Variants in HEPHL1 observed in about 807,000 individuals in gnomAD.
The protein encoded by HEPHL1 is ferroxidase HEPHL1.
Under a neutral mutation model 122.0 loss-of-function variants are expected in HEPHL1, and 123 were observed. The observed-to-expected ratio is 1.01, with a 90% CI of 0.87 to 1.17. HEPHL1 has a LOEUF of 1.17. Among genes scored for constraint, HEPHL1 ranks in the 50% most tolerant of loss-of-function variants. The probability of loss-of-function intolerance (pLI) is 0.00; values close to 1 mark genes in which losing one functional copy is unlikely to be tolerated. For missense variants in HEPHL1, 1,452 were observed against 1,430.5 expected, an observed-to-expected ratio of 1.01 and a Z score of -0.24; for synonymous variants, 527 against 508.9, an observed-to-expected ratio of 1.04 and a Z score of -0.48.
At chr11:94,083,853 A>T (rs1946194394) in intron 10 of HEPHL1, among the ~76,000 whole-genome samples, 1 of 152,134 alleles carries the variant, frequency 6.6e-6, no homozygotes. Context: ...TATAAAGGGG[A>T]AATTAAGGTG....
chr11:94,053,807 T>G (rs532965996), intron 2 of HEPHL1, among the ~76,000 whole-genome samples: 2 of 152,362 alleles, frequency 1.3e-5, no homozygotes, highest in South Asian at 4.1e-4. Context: ...CCATTGTGAT[T>G]GAAAAATATG....
In HEPHL1 at chr11:94,077,698, TAAAAC is replaced by T. The variant is rs548546233; in HGVS notation, c.1716+2318_1716+2322del. On this transcript the variant is annotated intron_variant, in intron 9 of 19. Transcript: ENST00000315765. Reference sequence around the variant, plus strand: ...ACTTCCAGTGGTTTCCTGTCACACTTAAAACAAAAATCAACACTATTTAGACATGC... The same window carrying T: ...ACTTCCAGTGGTTTCCTGTCACACTTAAAAATCAACACTATTTAGACATGC... Among the ~76,000 whole-genome samples, 231 of 152,336 alleles carry T rather than the reference TAAAAC, an allele frequency of 1.5e-3. 1 individual carries two copies. The highest frequency in any genetic ancestry group is 5.3e-3 in the African/African-American group (221 of 41,580).
intron 2 of HEPHL1, among the ~76,000 whole-genome samples, chr11:94,060,582 C>A (rs908631534): frequency 5.9e-5 from 9 of 152,044 alleles, no homozygotes; most frequent in Non-Finnish European, 1.3e-4. Flanking sequence ...AAGGAAATTG[C>A]CCAAGCTGCA....
intron 8 of HEPHL1, among the ~76,000 whole-genome samples, chr11:94,073,987 A>T (rs899542744): frequency 9.2e-5 from 14 of 152,286 alleles, no homozygotes; most frequent in African/African-American, 2.9e-4. Flanking sequence ...AATGTAAGAA[A>T]GGTAGCTGTT....
intron 1 of HEPHL1, among the ~76,000 whole-genome samples, chr11:94,032,324 C>T (rs1437161286): frequency 6.6e-6 from 1 of 152,136 alleles, no homozygotes; most frequent in Non-Finnish European, 1.5e-5. Context: ...TTAAAAGAGG[C>T]TTTGTTGCTG....
At chr11:94,103,145 A>C in intron 15 of HEPHL1, 125 bp downstream of exon 15, 1 of 640,008 alleles carries the variant, frequency 1.6e-6, no homozygotes, top group South Asian at 1.9e-5. Flanking sequence ...GTCTCATACT[A>C]TGGCCCATTT....
intron 13 of HEPHL1, 62 bp downstream of exon 13, chr11:94,093,702 T>C (rs1011686099): frequency 7.1e-6 from 11 of 1,545,872 alleles, no homozygotes; most frequent in South Asian, 1.2e-5. Context: ...CACATACTCA[T>C]GTGTTCTGTT....
In HEPHL1 at chr11:94,111,983, A is replaced by G. The variant is rs1333783686; in HGVS notation, c.*89A>G. On this transcript the variant is annotated 3_prime_UTR_variant, in exon 20 of 20. Transcript: ENST00000315765. ...GGGAAACTGGACCAAGGCATCACTC[A>G]CCAAGGAAGGTTGACACTGTATCCT... 1.1e-6 allele frequency: 1 copy of G among 907,652 alleles called. No homozygotes were observed. The highest frequency in any genetic ancestry group is 2.3e-5 in the South Asian group (1 of 43,768). The allele number at this position is 907,652 out of a possible 1,614,324, so 56.2% of individuals were successfully genotyped here. A position where few individuals can be genotyped will look rare whatever the true frequency, so the allele number is the denominator to read the frequency against.
At chr11:94,035,696 T>G (rs1399385679) in intron 1 of HEPHL1, among the ~76,000 whole-genome samples, 1 of 152,264 alleles carries the variant, frequency 6.6e-6, no homozygotes, top group East Asian at 1.9e-4. Flanking sequence ...GGCAGAGGCT[T>G]CCTGTTGGTC....
Position 94,106,014 on chromosome 11 carries a change from A to T in HEPHL1, c.2929A>T (p.Asn977Tyr), listed in dbSNP as rs756924679. ...MHAINGKIFG[N>Y]LHGLIMNEDT... ...AGCCATTAATGGAAAGATTTTTGGGAATCTCCATGGCCTCATAATGAACGA... is the reference window on the plus strand; with the variant it reads ...AGCCATTAATGGAAAGATTTTTGGGTATCTCCATGGCCTCATAATGAACGA... The change falls in exon 17 of 20, where the codon AAT becomes TAT. Residue 977 changes from asparagine to tyrosine, a missense_variant. By Grantham distance (143) the Asn-to-Tyr change is moderately radical (BLOSUM62 -2). Transcript: ENST00000315765. The T allele has an allele frequency of 6.3e-7, 1 of 1,578,332 alleles. No individual in the cohort carries two copies. Among genetic ancestry groups the T allele is most frequent in the Admixed American group, 1.7e-5 (1 of 58,096 alleles).
intron 5 of HEPHL1, 49 bp from the exon 6 acceptor site, chr11:94,070,325 C>CT (rs780937879): frequency 6.5e-7 from 1 of 1,528,290 alleles, no homozygotes; most frequent in East Asian, 2.4e-5. Context: ...TATATGATTC[C>CT]TTTTGTGATC....
intron 1 of HEPHL1, among the ~76,000 whole-genome samples, chr11:94,029,297 G>A (rs1420925350): frequency 6.6e-6 from 1 of 152,176 alleles, no homozygotes; most frequent in Non-Finnish European, 1.5e-5. Context: ...TGAGCAGGAG[G>A]CTCCTCCTGC....
At chr11:94,100,068 T>G (rs1021586223) in intron 13 of HEPHL1, among the ~76,000 whole-genome samples, 2 of 152,064 alleles carry the variant, frequency 1.3e-5, no homozygotes, top group Non-Finnish European at 2.9e-5. Flanking sequence ...GGTACCTCAG[T>G]TGGAAATGCA....
chr11:94,075,517 A>G (rs1368464614), intron 9 of HEPHL1, 132 bp downstream of exon 9: 1 of 642,814 alleles, frequency 1.6e-6, no homozygotes, highest in African/African-American at 1.8e-5. Flanking sequence ...AGATTTCTAC[A>G]TAATGGAGAT....
chr11:94,028,243 C>G (rs1051389879), intron 1 of HEPHL1, among the ~76,000 whole-genome samples: 1 of 152,162 alleles, frequency 6.6e-6, no homozygotes, highest in South Asian at 2.1e-4. Context: ...CATGCAGGGA[C>G]TGAGATTAAT....
At position 94,063,453 on chromosome 11, in the gene HEPHL1, G is replaced by A. The variant is rs796782531; in HGVS notation, c.416-55G>A. 15 of 1,364,732 alleles carry A rather than the reference G, an allele frequency of 1.1e-5. No individual in the cohort carries two copies. In the African/African-American group the frequency reaches 1.9e-4, roughly 17 times the overall value. The allele number at this position is 1,364,732 out of a possible 1,614,324, so 84.5% of individuals were successfully genotyped here. ...TCTGGCCCTCTCTACTATAGCATGT[G>A]ATCTCTCTGTTTTAACTATGTTTTA... On this transcript the variant is annotated intron_variant, in intron 2 of 19. Transcript: ENST00000315765.
At position 94,104,663 on chromosome 11, in the gene HEPHL1, C is replaced by T. The variant is rs780722525; in HGVS notation, c.2818C>T (p.Leu940=). Residue 940 remains leucine (L), a synonymous_variant, in exon 16 of 20, where the codon CTG becomes TTG. Coordinates refer to ENST00000315765, the MANE Select transcript of HEPHL1 (RefSeq NM_001098672.2). ...LVFNENESWY[L]DDNIKKYLNK... ...ATTTAATGAGAATGAATCCTGGTAT[C>T]TGGATGACAATATTAAGAAGTATCT... 5.0e-6 allele frequency: 8 copies of T among 1,613,694 alleles called. No homozygotes were observed. The highest frequency in any genetic ancestry group is 3.3e-5 in the Admixed American group (2 of 60,020).
Position 94,021,471 on chromosome 11 carries a change from G to A in HEPHL1, c.103G>A (p.Glu35Lys), listed in dbSNP as rs1358867447. Reference sequence around the variant, plus strand: ...CAGAACGTACTACATTGGGATTGTGGAAGAATACTGGAACTATGTACCCCA... The same window carrying A: ...CAGAACGTACTACATTGGGATTGTGAAAGAATACTGGAACTATGTACCCCA... ...VTRTYYIGIV[E>K]EYWNYVPQGK... The change falls in exon 1 of 20, where the codon GAA becomes AAA. Residue 35 changes from glutamate (E) to lysine (K), a missense_variant. Coordinates refer to ENST00000315765, the MANE Select transcript of HEPHL1 (RefSeq NM_001098672.2). 5.6e-6 allele frequency: 9 copies of A among 1,613,310 alleles called. No individual in the cohort carries two copies. Among genetic ancestry groups the A allele is most frequent in the Admixed American group, 3.3e-5 (2 of 59,984 alleles).
At chr11:94,086,625 T>TGTAG (rs1316567295) in intron 11 of HEPHL1, among the ~76,000 whole-genome samples, 2 of 152,224 alleles carry the variant, frequency 1.3e-5, no homozygotes, top group Non-Finnish European at 2.9e-5. Flanking sequence ...GTCTCTCTTC[T>TGTAG]GTAGGTACTG....
Sources: gnomAD v4.1 joint callset for allele counts (sites outside exome capture counted in the v4.1 genomes callset) on GRCh38, gnomAD v4.1.1 for gene constraint, MANE v1.5 for transcripts, NCBI Gene and HGNC (gene_info 2026-07-23, HGNC 2026-07-21) for gene names.